SLC44A5: variants seen among roughly 807,000 people sequenced by gnomAD.
SLC44A5 encodes the protein choline transporter-like protein 5.
In SLC44A5, 57 loss-of-function variants were observed where a neutral mutation model predicts 101.8. The ratio of observed to expected loss-of-function variants is 0.56; its 90% CI spans 0.45 to 0.70. The LOEUF is 0.70. Among genes scored for constraint, SLC44A5 ranks in the 30% least tolerant of loss-of-function variants. SLC44A5 has a pLI of 0.00. For synonymous variants in SLC44A5, 281 were observed against 290.9 expected, an observed-to-expected ratio of 0.97 and a Z score of 0.35; for missense variants, 737 against 853.1, an observed-to-expected ratio of 0.86 and a Z score of 1.70.
intron 2 of SLC44A5, among the ~76,000 whole-genome samples, chr1:75,443,866 A>G (rs890981029): frequency 6.6e-6 from 1 of 152,114 alleles, no homozygotes; most frequent in South Asian, 2.1e-4. Flanking sequence ...GTGGTAAGAA[A>G]TGAAAAGACC....
At chr1:75,495,372 G>A (rs137956652) in intron 2 of SLC44A5, among the ~76,000 whole-genome samples, 21 of 151,870 alleles carry the variant, frequency 1.4e-4, no homozygotes, top group South Asian at 6.2e-4. Context: ...GGAGAATGGC[G>A]TGAACCCAGG....
intron 2 of SLC44A5, among the ~76,000 whole-genome samples, chr1:75,472,964 C>T (rs1248278505): frequency 6.6e-6 from 1 of 152,204 alleles, no homozygotes; most frequent in Non-Finnish European, 1.5e-5. Context: ...GAATTGTCAT[C>T]TCCCTCAACC....
intron 2 of SLC44A5, among the ~76,000 whole-genome samples, chr1:75,497,711 A>G (rs1196943901): frequency 6.6e-6 from 1 of 152,144 alleles, no homozygotes; most frequent in Non-Finnish European, 1.5e-5. Flanking sequence ...TGTAGTAATC[A>G]GTTTCTTTTG....
At chr1:75,416,610 G>T (rs1268531) in intron 2 of SLC44A5, among the ~76,000 whole-genome samples, 38,114 of 152,104 alleles carry the variant, frequency 0.25, 5,057 homozygotes, top group African/African-American at 0.33. Flanking sequence ...CTTGCACTGT[G>T]TGCCTGAAAA....
At chr1:75,613,111 G>A (rs1420297079), upstream of SLC44A5, among the ~76,000 whole-genome samples, 1 of 152,188 alleles carries the variant, frequency 6.6e-6, no homozygotes, top group African/African-American at 2.4e-5. Context: ...TAGGACTTCA[G>A]AAGCCAATGA....
intron 5 of SLC44A5, among the ~76,000 whole-genome samples, chr1:75,295,666 G>A (rs1653907010): frequency 6.6e-6 from 1 of 152,148 alleles, no homozygotes; most frequent in African/African-American, 2.4e-5. Flanking sequence ...TTGAATATTG[G>A]TGAAAGACTT....
At chr1:75,672,251 G>A in the SLC44A5 span, among the ~76,000 whole-genome samples, 2 of 152,152 alleles carry the variant, frequency 1.3e-5, no homozygotes, top group South Asian at 2.1e-4. Flanking sequence ...ATCCCCTGGA[G>A]TTAGCCACAT....
At chr1:75,304,346 A>C (rs555696939) in intron 4 of SLC44A5, among the ~76,000 whole-genome samples, 3 of 151,964 alleles carry the variant, frequency 2.0e-5, no homozygotes, top group African/African-American at 7.2e-5. Flanking sequence ...AATTATAATT[A>C]CCTGCTATTT....
chr1:75,694,817 T>C, the SLC44A5 span, among the ~76,000 whole-genome samples: 5 of 152,124 alleles, frequency 3.3e-5, no homozygotes, highest in Non-Finnish European at 5.9e-5. Flanking sequence ...ATGAAAAATA[T>C]AGTATGGAAA....
At chr1:75,718,199 A>C in the SLC44A5 span, among the ~76,000 whole-genome samples, 1 of 152,222 alleles carries the variant, frequency 6.6e-6, no homozygotes, top group Non-Finnish European at 1.5e-5. Flanking sequence ...TGCAAACTAG[A>C]AGGCATTTCT....
the SLC44A5 span, among the ~76,000 whole-genome samples, chr1:75,626,029 G>C: frequency 6.6e-6 from 1 of 152,114 alleles, no homozygotes; most frequent in Non-Finnish European, 1.5e-5. Context: ...GAACATCTGA[G>C]AAAACCGGAA....
intron 6 of SLC44A5, among the ~76,000 whole-genome samples, chr1:75,266,832 G>GAT (rs995676234): frequency 6.6e-6 from 1 of 152,222 alleles, no homozygotes; most frequent in Non-Finnish European, 1.5e-5. Flanking sequence ...CCCAGCCCGG[G>GAT]AAGATAAATG....
At chr1:75,227,996 A>G (rs1647260267) in intron 12 of SLC44A5, 139 bp from the exon 13 acceptor site, 3 of 599,106 alleles carry the variant, frequency 5.0e-6, no homozygotes, top group Non-Finnish European at 8.2e-6. Flanking sequence ...TTACACAGCA[A>G]ATATTTTATT....
In SLC44A5 at chr1:75,396,518, A is replaced by G. The variant is rs1662131386; in HGVS notation, c.52+65T>C. The G allele has an allele frequency of 7.8e-6, 10 of 1,274,692 alleles. No homozygotes were observed. In the East Asian group the frequency reaches 1.2e-4, roughly 15 times the overall value. 79.0% of individuals were successfully genotyped at this position (1,274,692 alleles called of 1,614,324 possible). A position where few individuals can be genotyped will look rare whatever the true frequency, so the allele number is the denominator to read the frequency against. ...TATTCCTAGATTTTAAAAGAATCAC[A>G]TATTTCTCAATGGATAGACTGTCAT... is the stretch of plus-strand genomic sequence containing the variant. On this transcript the variant is annotated intron_variant, in intron 3 of 23. Transcript: ENST00000370859.
At chr1:75,664,621 T>C in the SLC44A5 span, among the ~76,000 whole-genome samples, 3 of 152,066 alleles carry the variant, frequency 2.0e-5, no homozygotes, top group African/African-American at 7.2e-5. Flanking sequence ...GAAAGATTTC[T>C]ATAAAGAGAA....
chr1:75,235,237 A>AG (rs1366554535), intron 11 of SLC44A5, among the ~76,000 whole-genome samples: 1 of 152,030 alleles, frequency 6.6e-6, no homozygotes, highest in African/African-American at 2.4e-5. Context: ...GAAATGTCAG[A>AG]GGAAAAAAAA....
the SLC44A5 span, among the ~76,000 whole-genome samples, chr1:75,644,722 G>A: frequency 6.6e-6 from 1 of 151,976 alleles, no homozygotes; most frequent in Non-Finnish European, 1.5e-5. Context: ...CATGTGCCAT[G>A]TTGGTGTGCT....
chr1:75,397,855 A>T (rs114771206), intron 2 of SLC44A5, among the ~76,000 whole-genome samples: 3 of 152,084 alleles, frequency 2.0e-5, no homozygotes, highest in Non-Finnish European at 4.4e-5. Flanking sequence ...AATAAAGATT[A>T]CTCATAACAT....
intron 2 of SLC44A5, among the ~76,000 whole-genome samples, chr1:75,495,346 T>C (rs921452733): frequency 9.2e-5 from 14 of 151,820 alleles, no homozygotes; most frequent in Admixed American, 3.3e-4. Flanking sequence ...TCCTAGCTAC[T>C]TGGGAGGCTG....
Sources: allele counts gnomAD v4.1 joint callset (sites outside exome capture counted in the v4.1 genomes callset), GRCh38; gene constraint gnomAD v4.1.1; transcripts MANE v1.5; gene names NCBI Gene and HGNC (gene_info 2026-07-23, HGNC 2026-07-21).